Variants in NKAIN3 observed in about 807,000 individuals in gnomAD.
The protein encoded by NKAIN3 is sodium/potassium-transporting ATPase subunit beta-1-interacting protein 3.
Under a neutral mutation model 30.2 loss-of-function variants are expected in NKAIN3, and 25 were observed. The ratio of observed to expected loss-of-function variants is 0.83; its 90% CI spans 0.60 to 1.16. NKAIN3 has a LOEUF of 1.16. Ranked by LOEUF, NKAIN3 falls within the 50% of genes most tolerant of loss-of-function variation. The pLI is 0.00. For synonymous variants in NKAIN3, 91 were observed against 89.6 expected (o/e 1.02, Z -0.09); for missense variants, 225 against 254.1 (o/e 0.89, Z 0.78).
At chr8:62,900,897 G>A (rs1344328084) in intron 4 of NKAIN3, among the ~76,000 whole-genome samples, 1 of 152,094 alleles carries the variant, frequency 6.6e-6, no homozygotes, top group Non-Finnish European at 1.5e-5. Flanking sequence ...TTGGAACCCA[G>A]GAACAAGGCT....
At chr8:62,474,826 A>G (rs1291676382) in intron 1 of NKAIN3, among the ~76,000 whole-genome samples, 2 of 152,218 alleles carry the variant, frequency 1.3e-5, no homozygotes, top group African/African-American at 2.4e-5. Context: ...TCTAATAAGG[A>G]ATAAAGAACC....
intron 3 of NKAIN3, among the ~76,000 whole-genome samples, chr8:62,633,385 C>T (rs180807514): frequency 6.3e-4 from 96 of 152,124 alleles, no homozygotes; most frequent in Non-Finnish European, 1.8e-4. Context: ...TGTTCTTGGA[C>T]GGGGGATTTG....
chr8:62,463,652 T>C (rs2129599636), intron 1 of NKAIN3, among the ~76,000 whole-genome samples: 1 of 152,330 alleles, frequency 6.6e-6, no homozygotes, highest in South Asian at 2.1e-4. Context: ...TTTGTGTGTA[T>C]TTGTTGTATA....
intron 3 of NKAIN3, among the ~76,000 whole-genome samples, chr8:62,665,568 C>T (rs368521641): frequency 2.0e-5 from 3 of 152,134 alleles, no homozygotes; most frequent in African/African-American, 4.8e-5. Flanking sequence ...CTGGAGTGAA[C>T]GTGGGCATTT....
chr8:62,372,589 T>C (rs1169986606), intron 1 of NKAIN3, among the ~76,000 whole-genome samples: 1 of 152,072 alleles, frequency 6.6e-6, no homozygotes, highest in Non-Finnish European at 1.5e-5. Context: ...GTTATTTAAC[T>C]ATGGGTATAC....
chr8:62,386,780 A>C (rs1035640914), intron 1 of NKAIN3, among the ~76,000 whole-genome samples: 1 of 152,154 alleles, frequency 6.6e-6, no homozygotes, highest in Non-Finnish European at 1.5e-5. Context: ...TATGGCCATG[A>C]GCAAGTTATC....
intron 1 of NKAIN3, among the ~76,000 whole-genome samples, chr8:62,257,327 ACCTTTTCTCTCTTAAG>A (rs569957044): frequency 5.3e-5 from 8 of 152,184 alleles, no homozygotes; most frequent in Non-Finnish European, 1.0e-4. Flanking sequence ...CATCCATCAG[ACCTTTTCTCTCTTAAG>A]CTTCAGTTAC....
chr8:62,571,050 T>A (rs137876580), intron 1 of NKAIN3, among the ~76,000 whole-genome samples: 1 of 152,266 alleles, frequency 6.6e-6, no homozygotes, highest in East Asian at 1.9e-4. Flanking sequence ...CCTTAAAGTG[T>A]GATGTAAAAG....
intron 1 of NKAIN3, among the ~76,000 whole-genome samples, chr8:62,363,943 A>T (rs1391544053): frequency 6.6e-6 from 1 of 152,224 alleles, no homozygotes; most frequent in Non-Finnish European, 1.5e-5. Flanking sequence ...CTATTGTGCA[A>T]TACAGATGAG....
chr8:62,272,861 A>G (rs1585619453), intron 1 of NKAIN3, among the ~76,000 whole-genome samples: 1 of 152,294 alleles, frequency 6.6e-6, no homozygotes, highest in East Asian at 1.9e-4. Context: ...AATTTTTGTT[A>G]GCTTATTATC....
chr8:62,774,306 T>C (rs1191033779), intron 4 of NKAIN3, among the ~76,000 whole-genome samples: 1 of 152,194 alleles, frequency 6.6e-6, no homozygotes, highest in Non-Finnish European at 1.5e-5. Context: ...AGTTTTCTTG[T>C]GGAGTCTTTA....
chr8:62,808,921 C>A (rs538410081), intron 4 of NKAIN3, among the ~76,000 whole-genome samples: 2 of 152,084 alleles, frequency 1.3e-5, no homozygotes, highest in Admixed American at 1.3e-4. Context: ...GGCCTGGGAG[C>A]GCTACGGGAG....
intron 1 of NKAIN3, among the ~76,000 whole-genome samples, chr8:62,501,527 A>G (rs1807449600): frequency 1.3e-5 from 2 of 152,118 alleles, no homozygotes; most frequent in South Asian, 4.1e-4. Context: ...AGCTGATTCC[A>G]AAGCTGTTGT....
At chr8:62,709,724 TTCTGCTCTGA>T (rs1293254034) in intron 3 of NKAIN3, among the ~76,000 whole-genome samples, 1 of 152,184 alleles carries the variant, frequency 6.6e-6, no homozygotes, top group Non-Finnish European at 1.5e-5. Context: ...TTTCATTTAG[TTCTGCTCTGA>T]TCTTTGTTAT....
Position 62,453,022 on chromosome 8 carries a change from G to A in NKAIN3, c.55-126517G>A, listed in dbSNP as rs551233614. Among the ~76,000 whole-genome samples, 3 of 152,260 alleles carry A rather than the reference G, an allele frequency of 2.0e-5. No homozygotes were observed. The East Asian group carries it at 5.8e-4, about 29-fold the overall frequency. ...AAATTCTCACAAATACCCACATTGAGTTATAGAAAATGAAATATTTACAAA... is the reference window on the plus strand; with the variant it reads ...AAATTCTCACAAATACCCACATTGAATTATAGAAAATGAAATATTTACAAA... On this transcript the variant is annotated intron_variant, in intron 1 of 6. Transcript: ENST00000623646.
intron 2 of NKAIN3, among the ~76,000 whole-genome samples, chr8:62,587,145 A>G (rs861174): frequency 0.2 from 30,788 of 151,790 alleles, 3,245 homozygotes; most frequent in East Asian, 0.31. Flanking sequence ...CTAAATTTCT[A>G]TGGCCATATT....
chr8:62,681,591 G>A (rs549014340), intron 3 of NKAIN3, among the ~76,000 whole-genome samples: 2 of 152,174 alleles, frequency 1.3e-5, no homozygotes, highest in African/African-American at 2.4e-5. Flanking sequence ...TAAGTGGGTT[G>A]AAGGCAGGGG....
rs554342772 is a variant in NKAIN3 at position 62,884,066 on chromosome 8, C to A, written c.472-34387C>A. ...ATAACTGGGATAAATCTCACTTAGT[C>A]ATGATGCAGAACTCTTTTTATACAT... On this transcript the variant is annotated intron_variant, in intron 4 of 6. Transcript: ENST00000623646. Among the ~76,000 whole-genome samples, 8 of 152,198 alleles carry A rather than the reference C, an allele frequency of 5.3e-5. 1 individual carries two copies. In the South Asian group the frequency reaches 1.7e-3, roughly 32 times the overall value.
intron 4 of NKAIN3, among the ~76,000 whole-genome samples, chr8:62,854,604 A>G (rs1820006304): frequency 6.6e-6 from 1 of 152,152 alleles, no homozygotes; most frequent in Non-Finnish European, 1.5e-5. Flanking sequence ...CATGTTAGAT[A>G]GCTCTCTTGA....
Sources: allele counts gnomAD v4.1 joint callset (sites outside exome capture counted in the v4.1 genomes callset), GRCh38; gene constraint gnomAD v4.1.1; transcripts MANE v1.5; gene names NCBI Gene and HGNC (gene_info 2026-07-23, HGNC 2026-07-21).